Variants in CHRNA7 observed in about 807,000 individuals in gnomAD.
CHRNA7 encodes the protein neuronal acetylcholine receptor subunit alpha-7.
In CHRNA7, 17 loss-of-function variants were observed where a neutral mutation model predicts 48.0. That is an observed-to-expected ratio of 0.35 (90% CI 0.24 to 0.53). The LOEUF (loss-of-function observed/expected upper bound fraction) is 0.53, where lower values mean the gene tolerates loss of function less well. Among genes scored for constraint, CHRNA7 ranks in the 20% least tolerant of loss-of-function variants. The pLI is 0.92. For synonymous variants in CHRNA7, 75 were observed against 242.3 expected (o/e 0.31, Z 6.41); for missense variants, 155 against 577.7 (o/e 0.27, Z 7.50).
chr15:32,105,196 ACCT>A (rs2050642837), intron 3 of CHRNA7, among the ~76,000 whole-genome samples: 1 of 151,984 alleles, frequency 6.6e-6, no homozygotes, highest in African/African-American at 2.4e-5. Flanking sequence ...CTTTTAACTC[ACCT>A]CCTCTTGGAG....
At chr15:32,053,109 C>T (rs1595390376) in intron 2 of CHRNA7, among the ~76,000 whole-genome samples, 2 of 152,134 alleles carry the variant, frequency 1.3e-5, no homozygotes, top group African/African-American at 4.8e-5. Context: ...GGAGACAGAG[C>T]CCTGAAGAGG....
At chr15:32,075,018 A>G (rs933120105) in intron 2 of CHRNA7, among the ~76,000 whole-genome samples, 3 of 152,154 alleles carry the variant, frequency 2.0e-5, no homozygotes, top group Admixed American at 1.3e-4. Context: ...TTTAAGTTTT[A>G]TATTGATTGA....
chr15:32,068,787 G>C (rs2050007313), intron 2 of CHRNA7, among the ~76,000 whole-genome samples: 1 of 151,666 alleles, frequency 6.6e-6, no homozygotes, highest in African/African-American at 2.4e-5. Flanking sequence ...GTAATAAAAA[G>C]TAAACTGGTC....
chr15:32,168,754 G>GTTTTCT lies in CHRNA7; in HGVS notation c.*296_*297insTTTTCT. The GTTTTCT allele has an allele frequency of 2.4e-5, 2 of 82,322 alleles. No individual in the cohort carries two copies. The highest frequency in any genetic ancestry group is 2.1e-5 in the Non-Finnish European group (1 of 48,256). 5.1% of individuals were successfully genotyped at this position (82,322 alleles called of 1,614,324 possible). A position where few individuals can be genotyped will look rare whatever the true frequency, so the allele number is the denominator to read the frequency against. On this transcript the variant is annotated 3_prime_UTR_variant, in exon 10 of 10. Coordinates refer to ENST00000306901, the MANE Select transcript of CHRNA7 (RefSeq NM_000746.6). Reference sequence around the variant, plus strand: ...CCCACTGCCTGGAAAGCCCTTCGGAGAGCTCCCCATGGCTCCTCACCACCG... The same window carrying GTTTTCT: ...CCCACTGCCTGGAAAGCCCTTCGGAGTTTTCTAGCTCCCCATGGCTCCTCACCACCG...
chr15:32,099,845 C>T (rs1252912499), intron 2 of CHRNA7: 1 of 152,216 alleles, frequency 6.6e-6, no homozygotes, highest in Non-Finnish European at 1.5e-5. Context: ...GCTTTTCCCA[C>T]CAAAAACTCC....
chr15:32,071,934 A>C (rs1188983699), intron 2 of CHRNA7, among the ~76,000 whole-genome samples: 1 of 152,164 alleles, frequency 6.6e-6, no homozygotes, highest in East Asian at 1.9e-4. Context: ...TATAAAAGAT[A>C]CTTGAAAATG....
intron 4 of CHRNA7, among the ~76,000 whole-genome samples, chr15:32,136,513 A>C (rs1015055767): frequency 6.6e-6 from 1 of 151,776 alleles, no homozygotes; most frequent in African/African-American, 2.4e-5. Flanking sequence ...AAAAAAAAAA[A>C]AGATGGAATT....
chr15:32,111,694 G>T, intron 3 of CHRNA7, 96 bp from the exon 4 acceptor site: 1 of 680,490 alleles, frequency 1.5e-6, no homozygotes, highest in Non-Finnish European at 2.6e-6. Flanking sequence ...TAAATGTCTG[G>T]AATTCTCTTT....
intron 2 of CHRNA7, among the ~76,000 whole-genome samples, chr15:32,049,532 A>G (rs1299525442): frequency 4.6e-5 from 7 of 152,124 alleles, no homozygotes; most frequent in Admixed American, 2.0e-4. Context: ...TTTTGAGGCT[A>G]TGTGTGTCTC....
chr15:32,068,705 A>G (rs1208447600), intron 2 of CHRNA7, among the ~76,000 whole-genome samples: 1 of 151,972 alleles, frequency 6.6e-6, no homozygotes, highest in African/African-American at 2.4e-5. Flanking sequence ...CCTGGGTGGC[A>G]GAGCAAGACT....
chr15:32,143,719 A>G (rs1351285955), intron 4 of CHRNA7, among the ~76,000 whole-genome samples: 2 of 151,964 alleles, frequency 1.3e-5, no homozygotes, highest in African/African-American at 4.8e-5. Flanking sequence ...AGTCTGTTTT[A>G]TCAGAGACTA....
intron 4 of CHRNA7, among the ~76,000 whole-genome samples, chr15:32,119,396 C>T (rs575156016): frequency 6.6e-6 from 1 of 152,274 alleles, no homozygotes; most frequent in Admixed American, 6.5e-5. Flanking sequence ...TTAAAAAATC[C>T]ATCAATTGCC....
At chr15:32,097,156 G>A (rs531489197) in intron 2 of CHRNA7, among the ~76,000 whole-genome samples, 50 of 152,168 alleles carry the variant, frequency 3.3e-4, no homozygotes, top group Non-Finnish European at 3.8e-4. Flanking sequence ...ATGCACAGAA[G>A]CCAATTGCCT....
At chr15:32,109,323 C>G (rs1157936153) in intron 3 of CHRNA7, among the ~76,000 whole-genome samples, 1 of 152,150 alleles carries the variant, frequency 6.6e-6, no homozygotes, top group Admixed American at 6.5e-5. Context: ...TCGTGGCCAT[C>G]TTGGTTTTGG....
At chr15:32,060,257 A>G (rs1206851318) in intron 2 of CHRNA7, among the ~76,000 whole-genome samples, 2 of 152,202 alleles carry the variant, frequency 1.3e-5, no homozygotes, top group Non-Finnish European at 2.9e-5. Context: ...TCAGAGGTAG[A>G]AAAAGCAGAG....
At chr15:32,123,645 GA>G (rs1485535725) in intron 4 of CHRNA7, among the ~76,000 whole-genome samples, 1 of 152,118 alleles carries the variant, frequency 6.6e-6, no homozygotes, top group Admixed American at 6.5e-5. Flanking sequence ...AAAGAAGATG[GA>G]AAAGACCAGT....
chr15:32,139,764 T>C (rs2051343878), intron 4 of CHRNA7, among the ~76,000 whole-genome samples: 1 of 152,166 alleles, frequency 6.6e-6, no homozygotes, highest in South Asian at 2.1e-4. Flanking sequence ...TGGATTACAG[T>C]TCATTATTAG....
intron 2 of CHRNA7, among the ~76,000 whole-genome samples, chr15:32,061,915 A>G (rs760710612): frequency 2.0e-5 from 3 of 152,216 alleles, no homozygotes; most frequent in African/African-American, 4.8e-5. Context: ...CACCTCTTAC[A>G]TTCTGTTCTT....
intron 3 of CHRNA7, among the ~76,000 whole-genome samples, chr15:32,110,660 T>C (rs2050748162): frequency 6.6e-6 from 1 of 152,220 alleles, no homozygotes; most frequent in African/African-American, 2.4e-5. Context: ...AATTCCCAAA[T>C]CTCAGCAGCT....
Sources: allele counts gnomAD v4.1 joint callset (sites outside exome capture counted in the v4.1 genomes callset), GRCh38; gene constraint gnomAD v4.1.1; transcripts MANE v1.5; gene names NCBI Gene and HGNC (gene_info 2026-07-23, HGNC 2026-07-21).